Variants in PDE4D observed in about 807,000 individuals in gnomAD.
PDE4D encodes phosphodiesterase 4D.
Under a neutral mutation model 87.4 loss-of-function variants are expected in PDE4D, and 24 were observed. The observed-to-expected ratio is 0.27, with a 90% CI of 0.20 to 0.39. The LOEUF is 0.39. Among genes scored for constraint, PDE4D ranks in the 10% least tolerant of loss-of-function variants. The pLI, the probability that PDE4D is intolerant of heterozygous loss-of-function variation, is 1.00. For synonymous variants in PDE4D, 384 were observed against 383.2 expected (o/e 1.00, Z -0.02); for missense variants, 714 against 1,041.0 (o/e 0.69, Z 4.32).
At chr5:59,043,477 TG>T (rs1580481250) in intron 5 of PDE4D, among the ~76,000 whole-genome samples, 1 of 152,106 alleles carries the variant, frequency 6.6e-6, no homozygotes, top group East Asian at 1.9e-4. Context: ...AAGCTGAGAT[TG>T]GGCCACTGCA....
At chr5:60,249,740 A>G (rs1583209136) in intron 1 of PDE4D, among the ~76,000 whole-genome samples, 1 of 152,158 alleles carries the variant, frequency 6.6e-6, no homozygotes, top group Middle Eastern at 3.4e-3. Context: ...ATTCATTTGC[A>G]ATAGAAAATG....
Position 59,266,551 on chromosome 5 carries a change from T to C in PDE4D, c.456-50583A>G, listed in dbSNP as rs535086085. The stretch of plus-strand genomic sequence containing the variant: ...GACCAGAGGAAGAGAGTCAATAAGC[T>C]GAACGAGTCAGGAACTAGCTAGATC... On this transcript the variant is annotated intron_variant, in intron 1 of 14. Coordinates refer to ENST00000340635, the MANE Select transcript of PDE4D (RefSeq NM_001104631.2). Among the ~76,000 whole-genome samples the C allele has an allele frequency of 1.2e-4, 19 of 152,012 alleles. No individual in the cohort carries two copies. In the East Asian group the frequency reaches 3.7e-3, roughly 30 times the overall value.
intron 1 of PDE4D, among the ~76,000 whole-genome samples, chr5:60,442,500 G>C (rs1013205193): frequency 7.9e-5 from 12 of 152,012 alleles, no homozygotes; most frequent in Non-Finnish European, 1.5e-4. Flanking sequence ...CGGTTGATAG[G>C]TGCAGCAAAC....
At chr5:59,762,137 G>GAT (rs745825732) in intron 1 of PDE4D, among the ~76,000 whole-genome samples, 5 of 151,206 alleles carry the variant, frequency 3.3e-5, no homozygotes, top group East Asian at 1.9e-4. Flanking sequence ...TAGGTATATA[G>GAT]ATATATATAT....
intron 1 of PDE4D, among the ~76,000 whole-genome samples, chr5:60,409,489 A>C (rs9291689): frequency 0.24 from 36,652 of 152,020 alleles, 5,677 homozygotes; most frequent in Non-Finnish European, 0.34. Flanking sequence ...TCCAAGGGTA[A>C]AAACAATCTA....
At chr5:60,338,626 C>T (rs1583464063) in intron 1 of PDE4D, among the ~76,000 whole-genome samples, 3 of 152,030 alleles carry the variant, frequency 2.0e-5, no homozygotes, top group South Asian at 2.1e-4. Flanking sequence ...CCTTAGTAGC[C>T]GTCTCTTTGG....
intron 1 of PDE4D, among the ~76,000 whole-genome samples, chr5:59,616,945 A>ATATATATATATC (rs936160133): frequency 5.1e-5 from 7 of 137,274 alleles, no homozygotes; most frequent in African/African-American, 1.1e-4. Context: ...ATATATATAT[A>ATATATATATATC]TCTCCAAGAT....
intron 1 of PDE4D, among the ~76,000 whole-genome samples, chr5:60,279,096 G>A (rs1751643611): frequency 6.6e-6 from 1 of 152,154 alleles, no homozygotes; most frequent in Non-Finnish European, 1.5e-5. Context: ...ATTTCCACAT[G>A]GATGCAAAGC....
upstream of PDE4D, among the ~76,000 whole-genome samples, chr5:59,898,699 TG>T (rs1751926358): frequency 6.6e-6 from 1 of 152,036 alleles, no homozygotes; most frequent in South Asian, 2.1e-4. Context: ...ATTCAGAAAA[TG>T]GCAAATAAGT....
chr5:59,224,122 CAAAA>C (rs762239197), intron 1 of PDE4D, among the ~76,000 whole-genome samples: 9 of 21,858 alleles, frequency 4.1e-4, no homozygotes, highest in South Asian at 3.7e-3. Flanking sequence ...CCTGTTTCTA[CAAAA>C]AAAAAAAAAA....
At chr5:59,014,078 CT>C (rs1753441612) in intron 6 of PDE4D, among the ~76,000 whole-genome samples, 1 of 152,146 alleles carries the variant, frequency 6.6e-6, no homozygotes, top group Admixed American at 6.5e-5. Context: ...CAGAAAAGGC[CT>C]TTGACAAAAT....
rs191338491 is a variant in PDE4D, at chr5:59,160,850, C to A, written c.808+19745G>T. Among the ~76,000 whole-genome samples, 123 of 152,250 alleles carry A rather than the reference C, an allele frequency of 8.1e-4. 1 individual carries two copies. In the East Asian group the frequency reaches 0.022, roughly 27 times the overall value. On this transcript the variant is annotated intron_variant, in intron 5 of 14. Coordinates refer to ENST00000340635, the MANE Select transcript of PDE4D (RefSeq NM_001104631.2). The stretch of plus-strand genomic sequence containing the variant: ...TGGTGGCTCACGCCTGTAATCCCAG[C>A]ACTTTGGGAGGCCGAGATGGGTGGA...
At chr5:59,920,224 C>T (rs999837029) in intron 3 of PDE4D, among the ~76,000 whole-genome samples, 18 of 152,258 alleles carry the variant, frequency 1.2e-4, no homozygotes, top group African/African-American at 3.9e-4. Flanking sequence ...TCACAACTCA[C>T]ATAACTCTGT....
chr5:60,302,510 T>A (rs1376584893), intron 1 of PDE4D, among the ~76,000 whole-genome samples: 1 of 152,216 alleles, frequency 6.6e-6, no homozygotes, highest in Non-Finnish European at 1.5e-5. Context: ...GAGTCAGTGG[T>A]GATATCCCCC....
At chr5:59,063,007 T>C (rs1763379650) in intron 5 of PDE4D, 1 of 152,140 alleles carries the variant, frequency 6.6e-6, no homozygotes, top group Non-Finnish European at 1.5e-5. Context: ...GATAATGATT[T>C]GACTTTTAAG....
chr5:59,468,284 T>C (rs1396177151), intron 1 of PDE4D, among the ~76,000 whole-genome samples: 1 of 152,116 alleles, frequency 6.6e-6, no homozygotes, highest in South Asian at 2.1e-4. Flanking sequence ...GAATGCCACT[T>C]AAAATTCTTA....
At chr5:59,920,540 G>A (rs776712634) in intron 3 of PDE4D, among the ~76,000 whole-genome samples, 14 of 152,124 alleles carry the variant, frequency 9.2e-5, no homozygotes, top group Non-Finnish European at 1.8e-4. Flanking sequence ...CTAGCAGTAT[G>A]TAACATACAG....
In PDE4D at chr5:59,200,665, ATG is replaced by A. The variant is rs1287628801; in HGVS notation, c.648-7131_648-7130del. Among the ~76,000 whole-genome samples the A allele has an allele frequency of 3.7e-4, 26 of 70,232 alleles. 3 individuals are homozygous for A. Among genetic ancestry groups the A allele is most frequent in the African/African-American group, 1.5e-3 (25 of 16,202 alleles). 46.1% of individuals were successfully genotyped at this position (70,232 alleles called of 152,430 possible). Reference sequence around the variant, plus strand: ...GATACACGTATACATACATATGTGTATGTATAGATACACGTATACATACATAT... The same window carrying A: ...GATACACGTATACATACATATGTGTATATAGATACACGTATACATACATAT... On this transcript the variant is annotated intron_variant, in intron 2 of 14. Coordinates refer to ENST00000340635, the MANE Select transcript of PDE4D (RefSeq NM_001104631.2).
intron 1 of PDE4D, among the ~76,000 whole-genome samples, chr5:60,217,595 A>G (rs1199483604): frequency 1.3e-5 from 2 of 151,976 alleles, no homozygotes; most frequent in Admixed American, 6.6e-5. Context: ...ACTTATGTTC[A>G]TCAAAATAAA....
Sources: gnomAD v4.1 joint callset for allele counts (sites outside exome capture counted in the v4.1 genomes callset) on GRCh38, gnomAD v4.1.1 for gene constraint, MANE v1.5 for transcripts, NCBI Gene and HGNC (gene_info 2026-07-23, HGNC 2026-07-21) for gene names.